The following PDE7B variants were observed in gnomAD, a reference collection of about 807,000 sequenced individuals.
PDE7B encodes the protein 3',5'-cyclic-AMP phosphodiesterase 7B.
PDE7B carries 29 observed loss-of-function variants against 56.2 expected under a neutral mutation model. That is an observed-to-expected ratio of 0.52 (90% CI 0.38 to 0.70). PDE7B has a LOEUF of 0.70. Ranked by LOEUF, PDE7B falls within the 30% of genes least tolerant of loss-of-function variation. The pLI is 0.00. For synonymous variants in PDE7B, 197 were observed against 196.9 expected, an observed-to-expected ratio of 1.00 and a Z score of 0.00; for missense variants, 490 against 565.0, an observed-to-expected ratio of 0.87 and a Z score of 1.35.
At chr6:135,861,019 G>C (rs1047796390) in intron 1 of PDE7B, among the ~76,000 whole-genome samples, 1 of 151,772 alleles carries the variant, frequency 6.6e-6, no homozygotes, top group African/African-American at 2.4e-5. Context: ...TTCATGCAGT[G>C]TTATATCTGA....
At chr6:135,977,138 A>G (rs780304536) in intron 2 of PDE7B, among the ~76,000 whole-genome samples, 3 of 152,066 alleles carry the variant, frequency 2.0e-5, no homozygotes, top group Non-Finnish European at 2.9e-5. Context: ...AATCTATATC[A>G]TCTGGTCCAA....
At chr6:135,901,397 G>T (rs1775997260) in intron 1 of PDE7B, among the ~76,000 whole-genome samples, 1 of 151,934 alleles carries the variant, frequency 6.6e-6, no homozygotes, top group Non-Finnish European at 1.5e-5. Context: ...AAAGACAGTG[G>T]TACTTTATTA....
rs1198949602 is a variant in PDE7B, at chr6:136,183,548, G to A, written c.1045+2225G>A. On this transcript the variant is annotated intron_variant, in intron 11 of 12. Transcript: ENST00000308191. ...GAGGCAGAGCTTGCAGTGAGCCAAG[G>A]TCACGCCACTGCACTCCAGCCTGGG... Among the ~76,000 whole-genome samples the A allele has an allele frequency of 3.5e-5, 5 of 143,900 alleles. No homozygotes were observed. In the South Asian group the frequency reaches 6.6e-4, roughly 19 times the overall value. 94.4% of individuals were successfully genotyped at this position (143,900 alleles called of 152,430 possible). A position where few individuals can be genotyped will look rare whatever the true frequency, so the allele number is the denominator to read the frequency against.
chr6:136,111,268 A>G (rs1777742582), intron 3 of PDE7B, among the ~76,000 whole-genome samples: 1 of 152,144 alleles, frequency 6.6e-6, no homozygotes, highest in Admixed American at 6.5e-5. Context: ...AAGACAATCA[A>G]TTGCTATTGA....
intron 8 of PDE7B, 88 bp downstream of exon 8, chr6:136,155,846 C>A (rs1192485228): frequency 2.2e-6 from 3 of 1,393,574 alleles, no homozygotes; most frequent in Admixed American, 1.7e-5. Context: ...ATGGAGAAAG[C>A]CTTGTTTTAG....
At chr6:136,174,034 G>C (rs370769565) in intron 9 of PDE7B, 146 bp downstream of exon 9, 2 of 634,136 alleles carry the variant, frequency 3.2e-6, no homozygotes, top group African/African-American at 1.8e-5. Flanking sequence ...TATCAGAGGA[G>C]ATTTGGTGTC....
chr6:136,107,774 C>T (rs1249904299), intron 2 of PDE7B, among the ~76,000 whole-genome samples: 1 of 152,106 alleles, frequency 6.6e-6, no homozygotes, highest in Non-Finnish European at 1.5e-5. Context: ...ACTCCATTAC[C>T]TCCCCTGATG....
intron 4 of PDE7B, among the ~76,000 whole-genome samples, chr6:136,148,463 A>AGGAG (rs1333229752): frequency 1.4e-5 from 2 of 144,592 alleles, no homozygotes; most frequent in Non-Finnish European, 3.0e-5. Flanking sequence ...GAGGGAGGGA[A>AGGAG]GGAAGGAAGG....
At chr6:135,899,230 TAGC>T (rs1775955423) in intron 1 of PDE7B, among the ~76,000 whole-genome samples, 1 of 152,116 alleles carries the variant, frequency 6.6e-6, no homozygotes, top group Non-Finnish European at 1.5e-5. Context: ...AAGTCTTTAT[TAGC>T]AGCATGAGAA....
intron 3 of PDE7B, among the ~76,000 whole-genome samples, chr6:136,145,686 T>G (rs1051067034): frequency 6.6e-6 from 1 of 152,180 alleles, no homozygotes; most frequent in African/African-American, 2.4e-5. Context: ...ACAATCTTCA[T>G]GAAGCTTCTA....
intron 1 of PDE7B, among the ~76,000 whole-genome samples, chr6:135,854,770 A>G (rs768927793): frequency 1.3e-5 from 2 of 152,196 alleles, no homozygotes; most frequent in Non-Finnish European, 2.9e-5. Context: ...TGCCTACTTT[A>G]TATATTAGCA....
At chr6:136,116,256 T>C (rs2128442841) in intron 3 of PDE7B, among the ~76,000 whole-genome samples, 1 of 152,258 alleles carries the variant, frequency 6.6e-6, no homozygotes, top group South Asian at 2.1e-4. Flanking sequence ...CATAACGTCA[T>C]TAAGTAGGAA....
Position 136,015,379 on chromosome 6 carries a change from A to G in PDE7B, c.82+67855A>G, listed in dbSNP as rs373422949. Among the ~76,000 whole-genome samples, 14 of 152,294 alleles carry G rather than the reference A, an allele frequency of 9.2e-5. 1 individual carries two copies. Among genetic ancestry groups the G allele is most frequent in the Admixed American group, 5.2e-4 (8 of 15,298 alleles). On this transcript the variant is annotated intron_variant, in intron 2 of 12. Coordinates refer to ENST00000308191, the MANE Select transcript of PDE7B (RefSeq NM_018945.4). ...AAAACTAAATAAACCAGATGGAGCCATTTTCTGATTCAAGGTGACAGAGCA... is the reference window on the plus strand; with the variant it reads ...AAAACTAAATAAACCAGATGGAGCCGTTTTCTGATTCAAGGTGACAGAGCA...
intron 2 of PDE7B, among the ~76,000 whole-genome samples, chr6:135,964,296 C>T (rs1774956834): frequency 6.6e-6 from 1 of 151,746 alleles, no homozygotes; most frequent in Non-Finnish European, 1.5e-5. Context: ...TAGAGACAGG[C>T]GTTTCACCAT....
At chr6:135,931,109 A>G (rs528338839) in intron 1 of PDE7B, among the ~76,000 whole-genome samples, 1 of 152,352 alleles carries the variant, frequency 6.6e-6, no homozygotes, top group African/African-American at 2.4e-5. Flanking sequence ...TCCTTTTTAG[A>G]AAGTAAAAAC....
chr6:136,080,357 C>T (rs1022097047), intron 2 of PDE7B, among the ~76,000 whole-genome samples: 5 of 152,078 alleles, frequency 3.3e-5, no homozygotes, highest in African/African-American at 1.2e-4. Flanking sequence ...CAAACATTCT[C>T]ACAATTTCTT....
intron 1 of PDE7B, among the ~76,000 whole-genome samples, chr6:135,944,416 C>T (rs1774558205): frequency 6.6e-6 from 1 of 152,116 alleles, no homozygotes; most frequent in Non-Finnish European, 1.5e-5. Context: ...TTTTTTCAAG[C>T]CCTGAGAACA....
At position 135,909,844 on chromosome 6, in the gene PDE7B, C is replaced by T. The variant is rs541107877; in HGVS notation, c.22-37620C>T. Reference sequence around the variant, plus strand: ...GACAAAAGTGCAAGGTACAGCATTGCAAGGTCAGCAGCCGTAGACTCGGAT... The same window carrying T: ...GACAAAAGTGCAAGGTACAGCATTGTAAGGTCAGCAGCCGTAGACTCGGAT... On this transcript the variant is annotated intron_variant, in intron 1 of 12. Transcript: ENST00000308191. Among the ~76,000 whole-genome samples, 12 of 152,212 alleles carry T rather than the reference C, an allele frequency of 7.9e-5. No homozygotes were observed. The South Asian group carries it at 2.5e-3, about 32-fold the overall frequency.
chr6:135,877,752 C>CAA lies in PDE7B; in HGVS notation c.21+25747_21+25748dup, dbSNP rs75061563. On this transcript the variant is annotated intron_variant, in intron 1 of 12. Coordinates refer to ENST00000308191, the MANE Select transcript of PDE7B (RefSeq NM_018945.4). Reference sequence around the variant, plus strand: ...AGACCTCCAGGAAAACAAAACAAAACAAAAAAAAAAAAAAAGGGAGGGGCA... The same window carrying CAA: ...AGACCTCCAGGAAAACAAAACAAAACAAAAAAAAAAAAAAAAAGGGAGGGGCA... 5.2e-3 allele frequency among the ~76,000 whole-genome samples: 464 copies of CAA among 89,144 alleles called. 2 individuals are homozygous for CAA. The highest frequency in any genetic ancestry group is 0.013 in the African/African-American group (436 of 34,356). The allele number at this position is 89,144 out of a possible 152,430, so 58.5% of individuals were successfully genotyped here. A position where few individuals can be genotyped will look rare whatever the true frequency, so the allele number is the denominator to read the frequency against.
Sources: allele counts gnomAD v4.1 joint callset (sites outside exome capture counted in the v4.1 genomes callset), GRCh38; gene constraint gnomAD v4.1.1; transcripts MANE v1.5; gene names NCBI Gene and HGNC (gene_info 2026-07-23, HGNC 2026-07-21).